MUSK: variants seen among roughly 807,000 people sequenced by gnomAD.
MUSK encodes muscle associated receptor tyrosine kinase.
In MUSK, 55 loss-of-function variants were observed where a neutral mutation model predicts 88.7. The observed-to-expected ratio is 0.62, with a 90% confidence interval of 0.50 to 0.78. The LOEUF (loss-of-function observed/expected upper bound fraction) is 0.78, where lower values mean the gene tolerates loss of function less well. Among genes scored for constraint, MUSK ranks in the 30% least tolerant of loss-of-function variants. The probability of loss-of-function intolerance (pLI) is 0.00; values close to 1 mark genes in which losing one functional copy is unlikely to be tolerated. For synonymous variants in MUSK, 387 were observed against 391.9 expected, an observed-to-expected ratio of 0.99 and a Z score of 0.15; for missense variants, 1,015 against 1,074.3, an observed-to-expected ratio of 0.94 and a Z score of 0.77.
intron 6 of MUSK, among the ~76,000 whole-genome samples, chr9:110,743,364 C>T (rs1024504818): frequency 6.6e-6 from 1 of 152,188 alleles, no homozygotes; most frequent in African/African-American, 2.4e-5. Flanking sequence ...TGAATAGTAA[C>T]ATTCCTTTTG....
At chr9:110,782,210 GAATC>G (rs1464006733) in intron 11 of MUSK, among the ~76,000 whole-genome samples, 1 of 152,112 alleles carries the variant, frequency 6.6e-6, no homozygotes, top group Admixed American at 6.5e-5. Flanking sequence ...CAGAGGAAAA[GAATC>G]AAGACAGAAA....
Position 110,802,286 on chromosome 9 carries a change from A to C in MUSK, c.*1298A>C, listed in dbSNP as rs888099145. Among the ~76,000 whole-genome samples, 13 of 152,060 alleles carry C rather than the reference A, an allele frequency of 8.5e-5. No homozygotes were observed. Among genetic ancestry groups the C allele is most frequent in the Admixed American group, 7.9e-4 (12 of 15,254 alleles). ...GGGGGTTCAGATTTTTTCTCAGTGG[A>C]TCCTCACACAATACATCTTTATCTA... On this transcript the variant is annotated 3_prime_UTR_variant, in exon 15 of 15. Coordinates refer to ENST00000374448, the MANE Select transcript of MUSK (RefSeq NM_005592.4).
chr9:110,702,831 T>C (rs2076548746), intron 5 of MUSK, among the ~76,000 whole-genome samples: 1 of 152,116 alleles, frequency 6.6e-6, no homozygotes, highest in Non-Finnish European at 1.5e-5. Context: ...AGGTGGAGGC[T>C]GCAGTAAGCC....
chr9:110,803,152 CAG>C lies in MUSK; in HGVS notation c.*2166_*2167del, dbSNP rs2078118647. On this transcript the variant is annotated 3_prime_UTR_variant, in exon 15 of 15. Transcript: ENST00000374448. ...AAGACAGACATAGAAGTCAGGCTGA[CAG>C]AAAATAGAGTAACAGTAATCATAAA... Among the ~76,000 whole-genome samples the C allele has an allele frequency of 6.6e-6, 1 of 152,180 alleles. No homozygotes were observed.
At chr9:110,694,468 C>A (rs1002778874) in intron 3 of MUSK, among the ~76,000 whole-genome samples, 1 of 151,020 alleles carries the variant, frequency 6.6e-6, no homozygotes, top group Non-Finnish European at 1.5e-5. Context: ...ACCAACAACA[C>A]CAAAGCCCCC....
intron 6 of MUSK, among the ~76,000 whole-genome samples, chr9:110,738,700 G>A (rs1331276774): frequency 6.6e-6 from 1 of 152,150 alleles, no homozygotes; most frequent in Admixed American, 6.6e-5. Flanking sequence ...GGGAGGTAGG[G>A]AGGAGCAATA....
intron 5 of MUSK, among the ~76,000 whole-genome samples, chr9:110,713,641 T>C (rs900568609): frequency 5.9e-5 from 9 of 152,180 alleles, no homozygotes; most frequent in African/African-American, 2.2e-4. Flanking sequence ...CATATGGCCT[T>C]ATCTGGCATC....
intron 7 of MUSK, among the ~76,000 whole-genome samples, chr9:110,748,358 T>C (rs892316847): frequency 5.3e-5 from 8 of 152,142 alleles, no homozygotes; most frequent in Admixed American, 2.6e-4. Flanking sequence ...GGCTATTTCT[T>C]GCGGGCATTT....
chr9:110,706,213 T>G (rs2076596688), intron 5 of MUSK: 1 of 398,770 alleles, frequency 2.5e-6, no homozygotes, highest in Non-Finnish European at 5.2e-6. Context: ...AAAGCTTTCT[T>G]TATTTTTAAC....
At chr9:110,679,889 A>G (rs538148953) in intron 1 of MUSK, among the ~76,000 whole-genome samples, 5 of 152,150 alleles carry the variant, frequency 3.3e-5, no homozygotes, top group African/African-American at 1.2e-4. Context: ...CTTTGATCTT[A>G]TAGTTGTTTG....
chr9:110,692,154 TTTTTG>T lies in MUSK; in HGVS notation c.359-3238_359-3234del, dbSNP rs564875558. The stretch of plus-strand genomic sequence containing the variant: ...TTTTTTTGTTTGTTTGGTTGGTTGG[TTTTTG>T]TTTTGTTTTGGTTTTTTTGAGACAA... On this transcript the variant is annotated intron_variant, in intron 3 of 14. Coordinates refer to ENST00000374448, the MANE Select transcript of MUSK (RefSeq NM_005592.4). 1.2e-3 allele frequency among the ~76,000 whole-genome samples: 180 copies of T among 151,502 alleles called. 1 individual carries two copies. Among genetic ancestry groups the T allele is most frequent in the African/African-American group, 3.9e-3 (162 of 41,326 alleles).
intron 3 of MUSK, among the ~76,000 whole-genome samples, chr9:110,694,657 A>G (rs1159577333): frequency 6.6e-6 from 1 of 152,172 alleles, no homozygotes; most frequent in Non-Finnish European, 1.5e-5. Context: ...CTAAGGACAT[A>G]AATGTAGTTT....
intron 7 of MUSK, among the ~76,000 whole-genome samples, chr9:110,761,580 T>C (rs575340227): frequency 9.8e-5 from 13 of 133,140 alleles, no homozygotes; most frequent in Middle Eastern, 3.6e-3. Flanking sequence ...TTTTTTTTTT[T>C]TTTTTTTTTT....
chr9:110,689,510 T>C (rs1305504872), intron 3 of MUSK, among the ~76,000 whole-genome samples: 4 of 83,212 alleles, frequency 4.8e-5, no homozygotes, highest in African/African-American at 6.3e-5. Flanking sequence ...CATATTTATA[T>C]ATAAATATAT....
At chr9:110,746,729 T>C (rs955383322) in intron 6 of MUSK, among the ~76,000 whole-genome samples, 1 of 152,176 alleles carries the variant, frequency 6.6e-6, no homozygotes, top group Non-Finnish European at 1.5e-5. Flanking sequence ...CTGGATGAAG[T>C]CCAGGAGAAG....
Position 110,804,150 on chromosome 9 carries a change from C to T in MUSK, c.*3162C>T, listed in dbSNP as rs1188470274. On this transcript the variant is annotated 3_prime_UTR_variant, in exon 15 of 15. Coordinates refer to ENST00000374448, the MANE Select transcript of MUSK (RefSeq NM_005592.4). Reference sequence around the variant, plus strand: ...AATAATATTCTATTTTATTCATATACTGTAATTTAGCTAATCAATCTTGTA... The same window carrying T: ...AATAATATTCTATTTTATTCATATATTGTAATTTAGCTAATCAATCTTGTA... 6.6e-6 allele frequency among the ~76,000 whole-genome samples: 1 copy of T among 152,094 alleles called. No individual in the cohort carries two copies. The highest frequency in any genetic ancestry group is 6.5e-5 in the Admixed American group (1 of 15,272).
At chr9:110,762,113 C>G in intron 7 of MUSK, 89 bp from the exon 8 acceptor site, 1 of 1,178,896 alleles carries the variant, frequency 8.5e-7, no homozygotes, top group African/African-American at 1.6e-5. Flanking sequence ...AAAACAATCT[C>G]AGCCAAAGCA....
intron 5 of MUSK, among the ~76,000 whole-genome samples, chr9:110,715,184 T>C (rs375776501): frequency 2.0e-5 from 3 of 150,058 alleles, no homozygotes; most frequent in East Asian, 3.9e-4. Context: ...AAAAAAGCTC[T>C]GGAGAAAGAA....
chr9:110,753,546 G>A (rs1226802229), intron 7 of MUSK, among the ~76,000 whole-genome samples: 1 of 151,900 alleles, frequency 6.6e-6, no homozygotes, highest in Non-Finnish European at 1.5e-5. Flanking sequence ...AGAGAGTGCA[G>A]TCCATGGTTC....
Sources: allele counts gnomAD v4.1 joint callset (sites outside exome capture counted in the v4.1 genomes callset), GRCh38; gene constraint gnomAD v4.1.1; transcripts MANE v1.5; gene names NCBI Gene and HGNC (gene_info 2026-07-23, HGNC 2026-07-21).